Variants in CDC14A observed in about 807,000 individuals in gnomAD.
CDC14A encodes the protein cell division cycle 14A.
A neutral mutation model predicts 74.4 loss-of-function variants in CDC14A; 53 were observed. The ratio of observed to expected loss-of-function variants is 0.71; its 90% CI spans 0.57 to 0.89. The LOEUF (loss-of-function observed/expected upper bound fraction) is 0.89, where lower values mean the gene tolerates loss of function less well. Ranked by LOEUF, CDC14A falls within the 40% of genes least tolerant of loss-of-function variation. The pLI, the probability that CDC14A is intolerant of heterozygous loss-of-function variation, is 0.00. For synonymous variants in CDC14A, 247 were observed against 258.4 expected (o/e 0.96, Z 0.43); for missense variants, 646 against 713.7 (o/e 0.91, Z 1.08).
intron 3 of CDC14A, 126 bp from the exon 4 acceptor site, chr1:100,390,606 A>G: frequency 1.6e-6 from 1 of 618,188 alleles, no homozygotes; most frequent in Non-Finnish European, 2.8e-6. Context: ...ATAGAAATTA[A>G]AGTTGAAAGT....
intron 10 of CDC14A, among the ~76,000 whole-genome samples, chr1:100,469,499 T>C (rs1156272471): frequency 6.6e-6 from 1 of 152,224 alleles, no homozygotes; most frequent in African/African-American, 2.4e-5. Context: ...TTCCTCTATT[T>C]CTCTGTTTTG....
At chr1:100,507,469 C>A (rs1649337375) in intron 15 of CDC14A, among the ~76,000 whole-genome samples, 1 of 146,018 alleles carries the variant, frequency 6.8e-6, no homozygotes, top group Admixed American at 6.9e-5. Context: ...CATCATTCTT[C>A]TTTTTTTTTT....
At chr1:100,369,696 T>G (rs1299718583) in intron 2 of CDC14A, among the ~76,000 whole-genome samples, 1 of 152,224 alleles carries the variant, frequency 6.6e-6, no homozygotes, top group Non-Finnish European at 1.5e-5. Context: ...CTGTTGATAG[T>G]TTATTTTGCT....
intron 15 of CDC14A, chr1:100,499,496 C>T: frequency 1.5e-6 from 2 of 1,358,100 alleles, no homozygotes; most frequent in Non-Finnish European, 1.9e-6. Flanking sequence ...TCTTCTTACC[C>T]CCAACTCCTT....
chr1:100,403,438 G>A (rs1423679277), intron 4 of CDC14A, among the ~76,000 whole-genome samples: 1 of 152,140 alleles, frequency 6.6e-6, no homozygotes, highest in Non-Finnish European at 1.5e-5. Context: ...TGTTCTTAGG[G>A]CATTGATTTT....
intron 5 of CDC14A, among the ~76,000 whole-genome samples, chr1:100,432,358 C>T (rs894411694): frequency 2.0e-5 from 3 of 152,194 alleles, no homozygotes; most frequent in Admixed American, 6.5e-5. Context: ...CATTGTCTAG[C>T]TCTGAAGTAT....
chr1:100,353,019 C>A lies in CDC14A; in HGVS notation c.49+16C>A. 6.2e-7 allele frequency: 1 copy of A among 1,613,648 alleles called. No homozygotes were observed. Among genetic ancestry groups the A allele is most frequent in the Non-Finnish European group, 8.5e-7 (1 of 1,179,576 alleles). On this transcript the variant is annotated intron_variant, in intron 1 of 15. Coordinates refer to ENST00000336454, the MANE Select transcript of CDC14A (RefSeq NM_003672.4). ...TTCATGAAAGGTGAGGAGCAGCCGC[C>A]CCGCATCTTCCAACGCTTTCTTGCC... is the stretch of plus-strand genomic sequence containing the variant.
intron 4 of CDC14A, among the ~76,000 whole-genome samples, chr1:100,406,040 G>T (rs1659898757): frequency 6.6e-6 from 1 of 152,144 alleles, no homozygotes; most frequent in Non-Finnish European, 1.5e-5. Flanking sequence ...ACCAGCATCT[G>T]TTGTTTTTTG....
chr1:100,378,394 A>G (rs1193191871), intron 3 of CDC14A, among the ~76,000 whole-genome samples: 2 of 152,224 alleles, frequency 1.3e-5, no homozygotes, highest in Non-Finnish European at 2.9e-5. Flanking sequence ...TGCTATACAG[A>G]GGACTCTTAA....
intron 4 of CDC14A, among the ~76,000 whole-genome samples, chr1:100,415,776 A>C (rs1478824990): frequency 6.6e-6 from 1 of 152,218 alleles, no homozygotes; most frequent in Non-Finnish European, 1.5e-5. Context: ...TGACTTTCCT[A>C]ATTCATATGT....
chr1:100,349,844 G>A (rs745853115), upstream of CDC14A, among the ~76,000 whole-genome samples: 5 of 151,482 alleles, frequency 3.3e-5, no homozygotes, highest in African/African-American at 4.8e-5. Flanking sequence ...TTTTTGAGAC[G>A]GGGTCTTTCT....
rs1378372369 is a variant in CDC14A at position 100,401,682 on chromosome 1, A to G, written c.309+10858A>G. On this transcript the variant is annotated intron_variant, in intron 4 of 15. Coordinates refer to ENST00000336454, the MANE Select transcript of CDC14A (RefSeq NM_003672.4). ...TTATTTATACATATAAGTATTTGCTACTAAGTGTCAACGATTTTTTTAACA... is the reference window on the plus strand; with the variant it reads ...TTATTTATACATATAAGTATTTGCTGCTAAGTGTCAACGATTTTTTTAACA... Among the ~76,000 whole-genome samples the G allele has an allele frequency of 2.0e-5, 3 of 152,198 alleles. No individual in the cohort carries two copies. In the East Asian group the frequency reaches 5.8e-4, roughly 29 times the overall value.
chr1:100,468,229 AGAATATTGTT>A, intron 10 of CDC14A, 135 bp downstream of exon 10: 1 of 957,660 alleles, frequency 1.0e-6, no homozygotes, highest in Non-Finnish European at 1.6e-6. Flanking sequence ...TGCCTCTAAT[AGAATATTGTT>A]GATTTGACAG....
chr1:100,460,986 A>T (rs375037132), intron 8 of CDC14A, among the ~76,000 whole-genome samples: 16 of 152,362 alleles, frequency 1.1e-4, no homozygotes, highest in African/African-American at 3.4e-4. Flanking sequence ...AAGTGGGAAA[A>T]TGGGAACCAC....
At chr1:100,441,832 C>T (rs1372831146) in intron 6 of CDC14A, among the ~76,000 whole-genome samples, 1 of 152,036 alleles carries the variant, frequency 6.6e-6, no homozygotes, top group Admixed American at 6.5e-5. Context: ...TGGGGTGGGG[C>T]CCAGGAGTCT....
At chr1:100,377,345 T>C (rs1655417715) in intron 2 of CDC14A, among the ~76,000 whole-genome samples, 1 of 152,168 alleles carries the variant, frequency 6.6e-6, no homozygotes, top group South Asian at 2.1e-4. Flanking sequence ...CGGCCACTAG[T>C]TCCCTATTAA....
At chr1:100,459,120 C>CAGAGAGAGAGAGAGAGAGAGAGAG (rs1157099545) in intron 8 of CDC14A, among the ~76,000 whole-genome samples, 10 of 148,712 alleles carry the variant, frequency 6.7e-5, no homozygotes, top group African/African-American at 2.6e-4. Flanking sequence ...CACACACACA[C>CAGAGAGAGAGAGAGAGAGAGAGAG]ACACACAGAG....
At chr1:100,350,175 G>A (rs1210357226), upstream of CDC14A, among the ~76,000 whole-genome samples, 3 of 151,972 alleles carry the variant, frequency 2.0e-5, no homozygotes, top group Middle Eastern at 3.2e-3. Flanking sequence ...GGCTGGTCTC[G>A]AACTCCTGCC....
intron 15 of CDC14A, among the ~76,000 whole-genome samples, chr1:100,517,868 A>C (rs1477134719): frequency 6.6e-6 from 1 of 152,248 alleles, no homozygotes; most frequent in Non-Finnish European, 1.5e-5. Flanking sequence ...AGGATATATC[A>C]TCTCAAAGTA....
Sources: gnomAD v4.1 joint callset for allele counts (sites outside exome capture counted in the v4.1 genomes callset) on GRCh38, gnomAD v4.1.1 for gene constraint, MANE v1.5 for transcripts, NCBI Gene and HGNC (gene_info 2026-07-23, HGNC 2026-07-21) for gene names.